The following ARHGEF4 variants were observed in gnomAD, a reference collection of about 807,000 sequenced individuals.
ARHGEF4 encodes the protein APC-stimulated guanine nucleotide exchange factor 1.
A neutral mutation model predicts 162.0 loss-of-function variants in ARHGEF4; 119 were observed. The ratio of observed to expected loss-of-function variants is 0.73; its 90% CI spans 0.63 to 0.86. ARHGEF4 has a LOEUF of 0.86. Among genes scored for constraint, ARHGEF4 ranks in the 40% least tolerant of loss-of-function variants. ARHGEF4 has a pLI of 0.00. For missense variants in ARHGEF4, 2,488 were observed against 2,456.0 expected, an observed-to-expected ratio of 1.01 and a Z score of -0.28; for synonymous variants, 1,014 against 979.9, an observed-to-expected ratio of 1.03 and a Z score of -0.65.
intron 4 of ARHGEF4, among the ~76,000 whole-genome samples, chr2:130,996,285 C>T (rs1434626713): frequency 1.3e-5 from 2 of 152,300 alleles, no homozygotes; most frequent in South Asian, 2.1e-4. Flanking sequence ...TGCCTGTGCC[C>T]GTTCCCTCTG....
intron 4 of ARHGEF4, among the ~76,000 whole-genome samples, chr2:130,971,430 C>T (rs771511455): frequency 6.6e-5 from 10 of 152,016 alleles, no homozygotes; most frequent in East Asian, 3.9e-4. Context: ...GAGGCTCAGG[C>T]GGGCAGATCA....
intron 4 of ARHGEF4, among the ~76,000 whole-genome samples, chr2:130,988,895 T>TAGAGAGAGAG (rs1259444648): frequency 2.6e-4 from 28 of 109,094 alleles, no homozygotes; most frequent in South Asian, 7.5e-4. Flanking sequence ...TATATATATA[T>TAGAGAGAGAG]ATATATAGAG....
rs1294656561 is a variant in ARHGEF4, at chr2:130,914,340, G to A, written c.394G>A (p.Asp132Asn). The A allele has an allele frequency of 2.2e-5, 33 of 1,468,230 alleles. No homozygotes were observed. The highest frequency in any genetic ancestry group is 4.9e-4 in the Middle Eastern group (2 of 4,090). The allele number at this position is 1,468,230 out of a possible 1,614,324, so 91.0% of individuals were successfully genotyped here. ...TGGGCTTCATGCAAAGGAAGAACTC[G>A]ATTTGTCCCCTAGCTTAGAGGATGA... Reference protein sequence around the residue: ...VPGLHAKEELDLSPSLEDDSC... With the variant: ...VPGLHAKEELNLSPSLEDDSC... The change falls in exon 2 of 14, where the codon GAT (aspartate) becomes AAT (asparagine). Residue 132 changes from aspartate (D) to asparagine (N), a missense_variant. By Grantham distance (23) the Asp-to-Asn change is conservative. Around this residue, in one of 6 missense-constraint regions of ARHGEF4, gnomAD observed 171 missense variants for 169.4 expected, o/e 1.01. Transcript: ENST00000409359.
rs148248229 is a variant in ARHGEF4 at position 130,982,041 on chromosome 2, G to A, written c.3985+35406G>A. On this transcript the variant is annotated intron_variant, in intron 4 of 13. Transcript: ENST00000409359. The stretch of plus-strand genomic sequence containing the variant: ...TGAGATGGAGTCCTACTCTGTCACC[G>A]AGGCTGGAGTGCAGTGGCATTGTGT... Among the ~76,000 whole-genome samples, 240 of 152,150 alleles carry A rather than the reference G, an allele frequency of 1.6e-3. 1 individual carries two copies. Among genetic ancestry groups the A allele is most frequent in the African/African-American group, 5.3e-3 (219 of 41,490 alleles).
intron 5 of ARHGEF4, chr2:131,035,421 C>A (rs985662358): frequency 2.4e-5 from 13 of 550,572 alleles, no homozygotes; most frequent in African/African-American, 2.3e-4. Context: ...GAGCGGGTGC[C>A]TGAGGGGCGT....
intron 4 of ARHGEF4, among the ~76,000 whole-genome samples, chr2:130,963,387 C>G (rs1432586792): frequency 6.6e-6 from 1 of 152,002 alleles, no homozygotes; most frequent in Non-Finnish European, 1.5e-5. Context: ...TGCCCTGGGC[C>G]GAGCGGGGCC....
At position 130,988,844 on chromosome 2, in the gene ARHGEF4, A is replaced by G. The variant is rs1034513260; in HGVS notation, c.3986-39101A>G. On this transcript the variant is annotated intron_variant, in intron 4 of 13. Coordinates refer to ENST00000409359, the MANE Select transcript of ARHGEF4 (RefSeq NM_001367493.1). ...TTGTAATGAGTATTCTTCTCCACAT[A>G]TATTTGTGTGTGTGTGTGTGTGTGT... 2.0e-5 allele frequency among the ~76,000 whole-genome samples: 3 copies of G among 149,070 alleles called. No individual in the cohort carries two copies. In the East Asian group the frequency reaches 5.9e-4, roughly 29 times the overall value.
intron 1 of ARHGEF4, among the ~76,000 whole-genome samples, chr2:130,894,405 T>C (rs1287012163): frequency 6.6e-6 from 1 of 151,636 alleles, no homozygotes; most frequent in African/African-American, 2.4e-5. Context: ...TGTTGAAGAG[T>C]TCAGAGCCCC....
At chr2:131,031,943 C>G (rs1449794588) in intron 5 of ARHGEF4, among the ~76,000 whole-genome samples, 1 of 152,212 alleles carries the variant, frequency 6.6e-6, no homozygotes, top group Non-Finnish European at 1.5e-5. Flanking sequence ...CCACCACCAC[C>G]GTGTGGGCAG....
chr2:130,947,727 T>C (rs1484600256), intron 4 of ARHGEF4, among the ~76,000 whole-genome samples: 1 of 152,182 alleles, frequency 6.6e-6, no homozygotes, highest in African/African-American at 2.4e-5. Context: ...GGATGGGGCC[T>C]CTTTATGTAG....
intron 10 of ARHGEF4, 24 bp from the exon 11 acceptor site, chr2:131,043,428 T>C: frequency 1.2e-6 from 2 of 1,613,338 alleles, no homozygotes; most frequent in Non-Finnish European, 1.7e-6. Flanking sequence ...GCGAGGCTCA[T>C]GGTTCTCCTT....
At chr2:130,838,656 A>AGGAG in intron 1 of ARHGEF4, among the ~76,000 whole-genome samples, 1 of 151,372 alleles carries the variant, frequency 6.6e-6, no homozygotes, top group Middle Eastern at 3.4e-3. Context: ...GAAGGAAGGA[A>AGGAG]GGAGGGAGGG....
chr2:130,979,991 A>G (rs188148676), intron 4 of ARHGEF4, among the ~76,000 whole-genome samples: 47 of 152,334 alleles, frequency 3.1e-4, no homozygotes, highest in African/African-American at 1.1e-3. Flanking sequence ...GGTGTTTAGA[A>G]GTTACTGCCA....
At chr2:130,970,047 A>G (rs1005392242) in intron 4 of ARHGEF4, among the ~76,000 whole-genome samples, 5 of 152,194 alleles carry the variant, frequency 3.3e-5, no homozygotes, top group African/African-American at 1.2e-4. Flanking sequence ...TAGCTGAAGG[A>G]TACTCAGATT....
intron 1 of ARHGEF4, among the ~76,000 whole-genome samples, chr2:130,864,719 G>A (rs1045427276): frequency 6.6e-6 from 1 of 152,152 alleles, no homozygotes; most frequent in East Asian, 1.9e-4. Context: ...GCCAGACTCT[G>A]TCTCAAAACA....
chr2:130,909,982 C>G (rs1681075737), intron 1 of ARHGEF4, among the ~76,000 whole-genome samples: 1 of 151,888 alleles, frequency 6.6e-6, no homozygotes, highest in African/African-American at 2.4e-5. Context: ...AGGTAGAACC[C>G]CAGAGAGAGC....
intron 1 of ARHGEF4, among the ~76,000 whole-genome samples, chr2:130,873,360 G>A (rs1173474240): frequency 6.6e-6 from 1 of 152,088 alleles, no homozygotes; most frequent in Admixed American, 6.6e-5. Context: ...AGGCCGAGGC[G>A]GGTGGATCAC....
intron 1 of ARHGEF4, among the ~76,000 whole-genome samples, chr2:130,905,975 T>G (rs1160285925): frequency 2.6e-5 from 4 of 152,170 alleles, no homozygotes; most frequent in Admixed American, 6.5e-5. Context: ...TTATGGACAA[T>G]TACTTTATTC....
chr2:130,976,252 G>A lies in ARHGEF4; in HGVS notation c.3985+29617G>A, dbSNP rs539932079. Among the ~76,000 whole-genome samples the A allele has an allele frequency of 4.6e-5, 7 of 152,240 alleles. No individual in the cohort carries two copies. In the East Asian group the frequency reaches 5.8e-4, roughly 13 times the overall value. On this transcript the variant is annotated intron_variant, in intron 4 of 13. Coordinates refer to ENST00000409359, the MANE Select transcript of ARHGEF4 (RefSeq NM_001367493.1). ...AGGGATCCATGAGTCAGATATGTTG[G>A]AGAGTGTGGTTAAACATCGCAGAGC...
Sources: allele counts gnomAD v4.1 joint callset (sites outside exome capture counted in the v4.1 genomes callset), GRCh38; gene constraint gnomAD v4.1.1; regional missense constraint gnomAD v4.1.1; transcripts MANE v1.5; gene names NCBI Gene and HGNC (gene_info 2026-07-23, HGNC 2026-07-21).